CAMK2D: variants seen among roughly 807,000 people sequenced by gnomAD.
The protein encoded by CAMK2D is calcium/calmodulin-dependent protein kinase type II subunit delta.
A neutral mutation model predicts 84.0 loss-of-function variants in CAMK2D; 37 were observed. That is an observed-to-expected ratio of 0.44 (90% CI 0.34 to 0.58). The LOEUF is 0.58. CAMK2D is among the 20% of genes least tolerant of loss of function. The pLI is 0.02. For missense variants in CAMK2D, 448 were observed against 652.5 expected (o/e 0.69, Z 3.41); for synonymous variants, 202 against 212.5 (o/e 0.95, Z 0.43).
At chr4:113,456,489 A>G (rs1256816853) in intron 19 of CAMK2D, 4 of 140,410 alleles carry the variant, frequency 2.8e-5, no homozygotes, top group Non-Finnish European at 6.1e-5. Context: ...ACTTTTCTTC[A>G]TGATGCTCAT....
At chr4:113,702,770 T>C (rs539184501) in intron 2 of CAMK2D, among the ~76,000 whole-genome samples, 7 of 152,104 alleles carry the variant, frequency 4.6e-5, no homozygotes, top group Non-Finnish European at 7.4e-5. Context: ...TAGCTAGGCA[T>C]GGTGGTATGC....
chr4:113,600,460 C>G (rs1446657603), intron 4 of CAMK2D, among the ~76,000 whole-genome samples: 1 of 152,008 alleles, frequency 6.6e-6, no homozygotes, highest in Non-Finnish European at 1.5e-5. Flanking sequence ...AAACTTAAAA[C>G]TGATCTAAAA....
chr4:113,678,793 C>T (rs1346437513), intron 2 of CAMK2D, among the ~76,000 whole-genome samples: 1 of 152,104 alleles, frequency 6.6e-6, no homozygotes, highest in Non-Finnish European at 1.5e-5. Context: ...ATTTCCTTCA[C>T]CCAATTTTTT....
intron 6 of CAMK2D, among the ~76,000 whole-genome samples, chr4:113,538,281 C>G (rs909185142): frequency 6.6e-6 from 1 of 152,118 alleles, no homozygotes; most frequent in African/African-American, 2.4e-5. Context: ...TGTTTCCCAA[C>G]CAATGCATCA....
intron 2 of CAMK2D, among the ~76,000 whole-genome samples, chr4:113,740,149 C>CT (rs1265177925): frequency 6.6e-6 from 1 of 151,896 alleles, no homozygotes; most frequent in African/African-American, 2.4e-5. Context: ...TCCTCCATTC[C>CT]TAGGTATATA....
At chr4:113,457,237 C>T (rs1031204432) in intron 19 of CAMK2D, 98 bp downstream of exon 19, 77 of 1,500,286 alleles carry the variant, frequency 5.1e-5, no homozygotes, top group Non-Finnish European at 6.4e-5. Flanking sequence ...CAACTACTAG[C>T]GTTAAATAAC....
At chr4:113,524,011 G>A (rs370806611) in intron 8 of CAMK2D, among the ~76,000 whole-genome samples, 2 of 151,854 alleles carry the variant, frequency 1.3e-5, no homozygotes, top group Admixed American at 6.6e-5. Context: ...CTAGGACTAC[G>A]GGTGTGTGCT....
intron 3 of CAMK2D, among the ~76,000 whole-genome samples, chr4:113,648,310 G>A (rs2099159412): frequency 1.3e-5 from 2 of 152,142 alleles, no homozygotes; most frequent in East Asian, 3.8e-4. Context: ...GAAAATGGCT[G>A]TTGTTATTGC....
chr4:113,506,560 T>TTATG (rs2098130143), intron 13 of CAMK2D, among the ~76,000 whole-genome samples: 1 of 152,060 alleles, frequency 6.6e-6, no homozygotes. Flanking sequence ...AATTCAGTAT[T>TTATG]TATGTTAGTA....
chr4:113,635,263 C>T (rs987200877), intron 3 of CAMK2D, among the ~76,000 whole-genome samples: 7 of 152,134 alleles, frequency 4.6e-5, no homozygotes, highest in African/African-American at 1.7e-4. Context: ...CTGAATGTAG[C>T]TTACAGCCTA....
chr4:113,480,151 C>G (rs916743003), intron 16 of CAMK2D, among the ~76,000 whole-genome samples: 4 of 152,104 alleles, frequency 2.6e-5, no homozygotes, highest in African/African-American at 4.8e-5. Flanking sequence ...TTAGTAGAGA[C>G]AGGGTTTCAC....
chr4:113,722,422 C>T (rs2099533348), intron 2 of CAMK2D, among the ~76,000 whole-genome samples: 1 of 152,102 alleles, frequency 6.6e-6, no homozygotes, highest in South Asian at 2.1e-4. Context: ...AAAAATGCTC[C>T]TCTTCCCTCC....
At chr4:113,652,543 A>G (rs2099178580) in intron 3 of CAMK2D, among the ~76,000 whole-genome samples, 1 of 152,170 alleles carries the variant, frequency 6.6e-6, no homozygotes, top group Non-Finnish European at 1.5e-5. Flanking sequence ...CCCTAGCGAC[A>G]TGAGTTATTC....
chr4:113,657,694 AT>A (rs1442831866), intron 3 of CAMK2D, among the ~76,000 whole-genome samples: 3 of 152,156 alleles, frequency 2.0e-5, no homozygotes, highest in Non-Finnish European at 4.4e-5. Flanking sequence ...ATGAATCACC[AT>A]TTTTAGTTGG....
intron 13 of CAMK2D, 65 bp from the exon 14 acceptor site, chr4:113,505,100 T>C (rs2154154289): frequency 1.1e-6 from 1 of 905,522 alleles, no homozygotes; most frequent in Non-Finnish European, 1.7e-6. Flanking sequence ...TGTCTCTAGA[T>C]GCAGCATGTC....
intron 2 of CAMK2D, among the ~76,000 whole-genome samples, chr4:113,714,049 C>T (rs2099504550): frequency 6.6e-6 from 1 of 151,958 alleles, no homozygotes. Flanking sequence ...TAACTTGTTT[C>T]TAAAAGCTTT....
chr4:113,476,673 ATTGTTCCCTAGT>A (rs1346002925), intron 16 of CAMK2D, among the ~76,000 whole-genome samples: 1 of 152,178 alleles, frequency 6.6e-6, no homozygotes, highest in African/African-American at 2.4e-5. Context: ...ATAACCAGCT[ATTGTTCCCTAGT>A]TTGCTTACTG....
At chr4:113,545,471 GTAA>G (rs1180052958) in intron 6 of CAMK2D, among the ~76,000 whole-genome samples, 1 of 152,096 alleles carries the variant, frequency 6.6e-6, no homozygotes, top group Non-Finnish European at 1.5e-5. Context: ...TTAAGGCCTG[GTAA>G]TAAAAAATTT....
chr4:113,654,098 C>T (rs907861830), intron 3 of CAMK2D, among the ~76,000 whole-genome samples: 2 of 152,006 alleles, frequency 1.3e-5, no homozygotes, highest in Non-Finnish European at 2.9e-5. Context: ...ACGTGCTAAA[C>T]GAAGTAATAC....
Sources: allele counts gnomAD v4.1 joint callset (sites outside exome capture counted in the v4.1 genomes callset), GRCh38; gene constraint gnomAD v4.1.1; transcripts MANE v1.5; gene names NCBI Gene and HGNC (gene_info 2026-07-23, HGNC 2026-07-21).